Variants in VPS13B observed in about 807,000 individuals in gnomAD.
The protein encoded by VPS13B is vacuolar protein sorting 13 homolog B.
In VPS13B, 285 loss-of-function variants were observed where a neutral mutation model predicts 426.4. The observed-to-expected ratio is 0.67, with a 90% CI of 0.61 to 0.74. The LOEUF (loss-of-function observed/expected upper bound fraction) is 0.74, where lower values mean the gene tolerates loss of function less well. Among genes scored for constraint, VPS13B ranks in the 30% least tolerant of loss-of-function variants. The pLI, the probability that VPS13B is intolerant of heterozygous loss-of-function variation, is 0.00. For missense variants in VPS13B, 4,537 were observed against 4,782.6 expected (o/e 0.95, Z 1.51); for synonymous variants, 1,676 against 1,676.4 (o/e 1.00, Z 0.01).
chr8:99,172,508 A>G (rs1812398575), intron 16 of VPS13B, among the ~76,000 whole-genome samples: 1 of 152,166 alleles, frequency 6.6e-6, no homozygotes, highest in African/African-American at 2.4e-5. Flanking sequence ...AAAGTCACAC[A>G]CTGGCCTCAC....
chr8:99,837,441 G>A (rs1229905917), intron 54 of VPS13B, among the ~76,000 whole-genome samples: 1 of 152,206 alleles, frequency 6.6e-6, no homozygotes, highest in Non-Finnish European at 1.5e-5. Context: ...GCATGGGTTT[G>A]AAGATTTTTG....
At chr8:99,739,130 C>G (rs576431809) in intron 39 of VPS13B, among the ~76,000 whole-genome samples, 1 of 152,326 alleles carries the variant, frequency 6.6e-6, no homozygotes, top group Admixed American at 6.5e-5. Flanking sequence ...CACCCTAATA[C>G]TGTGCTTTTC....
rs748161766 is a variant in VPS13B at position 99,823,836 on chromosome 8, G to T, written c.9188G>T (p.Cys3063Phe). 6.2e-7 allele frequency: 1 copy of T among 1,613,346 alleles called. No individual in the cohort carries two copies. Among genetic ancestry groups the T allele is most frequent in the Non-Finnish European group, 8.5e-7 (1 of 1,179,732 alleles). The change falls in exon 51 of 62, where the codon TGT becomes TTT. Residue 3063 changes from cysteine to phenylalanine, a missense_variant. Cys to Phe is a radical substitution (Grantham distance 205). Coordinates refer to ENST00000357162, the MANE Select transcript of VPS13B (RefSeq NM_152564.5). ...LGAFPGHQKL[C>F]QFCISSMVQQ... is the part of the protein sequence containing the mutation. Reference sequence around the variant, plus strand: ...TTTTTCTCAATTATCTTGTAGTTATGTCAGTTCTGCATTTCCTCCATGGTA... The same window carrying T: ...TTTTTCTCAATTATCTTGTAGTTATTTCAGTTCTGCATTTCCTCCATGGTA...
chr8:99,131,173 G>T (rs1479360627), intron 8 of VPS13B, among the ~76,000 whole-genome samples: 1 of 152,128 alleles, frequency 6.6e-6, no homozygotes, highest in Non-Finnish European at 1.5e-5. Context: ...TGCAAAGATA[G>T]TACAGAGAGT....
chr8:99,269,150 A>C (rs1418617151), intron 17 of VPS13B, among the ~76,000 whole-genome samples: 5 of 152,174 alleles, frequency 3.3e-5, no homozygotes, highest in Non-Finnish European at 7.3e-5. Flanking sequence ...CCCAGTCTCG[A>C]GTATTTCTTT....
chr8:99,337,281 C>T (rs1156364081), intron 19 of VPS13B, among the ~76,000 whole-genome samples: 2 of 146,452 alleles, frequency 1.4e-5, no homozygotes, highest in African/African-American at 5.1e-5. Context: ...CCAAACACCG[C>T]ATATTCTCAC....
At chr8:99,322,452 A>C (rs1295913719) in intron 19 of VPS13B, among the ~76,000 whole-genome samples, 5 of 152,200 alleles carry the variant, frequency 3.3e-5, no homozygotes, top group African/African-American at 1.2e-4. Flanking sequence ...GGAGGCATGA[A>C]TGTAATTTTG....
At chr8:99,295,862 A>G (rs760999394) in intron 19 of VPS13B, among the ~76,000 whole-genome samples, 31 of 152,146 alleles carry the variant, frequency 2.0e-4, no homozygotes, top group Non-Finnish European at 3.5e-4. Context: ...CTCTGTCTCT[A>G]CAAAGAATAA....
intron 58 of VPS13B, among the ~76,000 whole-genome samples, chr8:99,862,882 G>C (rs1388479949): frequency 6.6e-6 from 1 of 152,210 alleles, no homozygotes; most frequent in African/African-American, 2.4e-5. Context: ...ACATTCAGTG[G>C]TGTGGGGCAC....
chr8:99,662,908 A>G (rs1830297073), intron 35 of VPS13B, among the ~76,000 whole-genome samples: 1 of 152,162 alleles, frequency 6.6e-6, no homozygotes, highest in Non-Finnish European at 1.5e-5. Context: ...AAAATAAAAA[A>G]TTAGCTGGCC....
At chr8:99,517,461 G>A (rs550568816) in intron 29 of VPS13B, among the ~76,000 whole-genome samples, 1 of 151,898 alleles carries the variant, frequency 6.6e-6, no homozygotes, top group Non-Finnish European at 1.5e-5. Context: ...TATAATATAC[G>A]CTACATTAAT....
At chr8:99,352,629 G>T (rs1811953945) in intron 19 of VPS13B, among the ~76,000 whole-genome samples, 2 of 152,076 alleles carry the variant, frequency 1.3e-5, no homozygotes, top group Non-Finnish European at 2.9e-5. Flanking sequence ...TTGAAGACCA[G>T]CCTGGCCAAC....
chr8:99,604,770 T>C lies in VPS13B; in HGVS notation c.5220+27137T>C, dbSNP rs1054970434. ...CCCCCAAAGTGCTGGGATTACAGGT[T>C]CCTTGGTTTTGATGAGCTTGACGGT... On this transcript the variant is annotated intron_variant, in intron 33 of 61. Coordinates refer to ENST00000357162, the MANE Select transcript of VPS13B (RefSeq NM_152564.5). 3.3e-5 allele frequency among the ~76,000 whole-genome samples: 5 copies of C among 152,096 alleles called. No individual in the cohort carries two copies. In the East Asian group the frequency reaches 5.8e-4, roughly 18 times the overall value.
intron 13 of VPS13B, among the ~76,000 whole-genome samples, chr8:99,143,884 C>T (rs1201661376): frequency 6.6e-6 from 1 of 152,122 alleles, no homozygotes; most frequent in Admixed American, 6.5e-5. Context: ...ATTTCTATAA[C>T]AGAAGTAAAG....
At chr8:99,246,018 G>GT (rs1366664730) in intron 17 of VPS13B, among the ~76,000 whole-genome samples, 1 of 152,174 alleles carries the variant, frequency 6.6e-6, no homozygotes, top group Non-Finnish European at 1.5e-5. Context: ...ATATTTTACT[G>GT]TTTTTTGTTT....
intron 23 of VPS13B, among the ~76,000 whole-genome samples, chr8:99,461,923 A>G (rs911644728): frequency 6.6e-6 from 1 of 152,186 alleles, no homozygotes; most frequent in East Asian, 1.9e-4. Context: ...GAAAACAATG[A>G]GTACGTATTG....
At chr8:99,185,798 A>G (rs1016433348) in intron 16 of VPS13B, among the ~76,000 whole-genome samples, 1 of 152,156 alleles carries the variant, frequency 6.6e-6, no homozygotes, top group Admixed American at 6.5e-5. Flanking sequence ...TTTTTATTTA[A>G]AATTTAGAAG....
intron 21 of VPS13B, among the ~76,000 whole-genome samples, chr8:99,416,714 C>T (rs556418784): frequency 6.6e-6 from 1 of 152,246 alleles, no homozygotes; most frequent in East Asian, 1.9e-4. Context: ...GGCGATGCCC[C>T]ACCTTGCTTC....
intron 31 of VPS13B, among the ~76,000 whole-genome samples, chr8:99,571,990 A>C (rs1825499856): frequency 6.6e-6 from 1 of 152,192 alleles, no homozygotes; most frequent in East Asian, 1.9e-4. Flanking sequence ...CTACTCTGAT[A>C]AAAACAAAAA....
Sources: gnomAD v4.1 joint callset for allele counts (sites outside exome capture counted in the v4.1 genomes callset) on GRCh38, gnomAD v4.1.1 for gene constraint, MANE v1.5 for transcripts, NCBI Gene and HGNC (gene_info 2026-07-23, HGNC 2026-07-21) for gene names.